WDR64: variants seen among roughly 807,000 people sequenced by gnomAD.
The protein encoded by WDR64 is WD repeat domain 64.
In WDR64, 112 loss-of-function variants were observed where a neutral mutation model predicts 139.3. That is an observed-to-expected ratio of 0.80 (90% CI 0.69 to 0.94). The LOEUF (loss-of-function observed/expected upper bound fraction) is 0.94. Among genes scored for constraint, WDR64 ranks in the 40% least tolerant of loss-of-function variants. The pLI, the probability that WDR64 is intolerant of heterozygous loss-of-function variation, is 0.00. For synonymous variants in WDR64, 444 were observed against 437.7 expected (o/e 1.01, Z -0.18); for missense variants, 1,206 against 1,293.1 (o/e 0.93, Z 1.03).
chr1:241,735,511 C>A (rs1301985548), intron 10 of WDR64, among the ~76,000 whole-genome samples: 3 of 142,346 alleles, frequency 2.1e-5, no homozygotes, highest in East Asian at 4.2e-4. Flanking sequence ...ATATTTAGTT[C>A]TCTGTCTCTC....
Position 241,738,348 on chromosome 1 carries a change from T to C in WDR64, c.1195-15T>C, listed in dbSNP as rs1260749991. The stretch of plus-strand genomic sequence containing the variant: ...GAGTATAAATAGTGGTAAACTGTGT[T>C]TGTTATTCTTCCAGGTTTTCCGGGT... On this transcript the variant is annotated splice_polypyrimidine_tract_variant and intron_variant, in intron 10 of 27. Transcript: ENST00000437684. 1 of 1,610,522 alleles carries C rather than the reference T, an allele frequency of 6.2e-7. No individual in the cohort carries two copies. The highest frequency in any genetic ancestry group is 8.5e-7 in the Non-Finnish European group (1 of 1,178,914).
At chr1:241,713,899 G>A (rs985654532) in intron 9 of WDR64, among the ~76,000 whole-genome samples, 5 of 152,302 alleles carry the variant, frequency 3.3e-5, no homozygotes, top group Middle Eastern at 3.4e-3. Flanking sequence ...CCAGCTCCAC[G>A]TTTGTATGGT....
chr1:241,657,932 T>TA (rs150697487), intron 1 of WDR64, among the ~76,000 whole-genome samples: 3,776 of 152,344 alleles, frequency 0.025, 75 homozygotes, highest in Middle Eastern at 0.068. Flanking sequence ...TTTGCAGCAA[T>TA]ACTGCTTTTC....
At chr1:241,661,500 A>C (rs1262051833) in intron 2 of WDR64, among the ~76,000 whole-genome samples, 1 of 152,172 alleles carries the variant, frequency 6.6e-6, no homozygotes, top group Non-Finnish European at 1.5e-5. Flanking sequence ...TTTAATTCCC[A>C]TGTTGTATGC....
At position 241,757,325 on chromosome 1, in the gene WDR64, C is replaced by T. The variant is rs1216765261; in HGVS notation, c.1813C>T (p.Pro605Ser). The change falls in exon 15 of 28, where the codon CCT (proline) becomes TCT (serine). Residue 605 changes from proline (P) to serine (S), a missense_variant. Transcript: ENST00000437684. ...CTACCTCATGGTGATCTGGGAGCTG[C>T]CTGATGTTGTGCCTTTCCTACAAGA... ...DIYLMVIWEL[P>S]DVVPFLQDGK... 5.6e-6 allele frequency: 9 copies of T among 1,613,850 alleles called. No individual in the cohort carries two copies. Among genetic ancestry groups the T allele is most frequent in the Non-Finnish European group, 5.9e-6 (7 of 1,179,970 alleles).
intron 22 of WDR64, among the ~76,000 whole-genome samples, chr1:241,781,171 C>T (rs1658832486): frequency 6.6e-6 from 1 of 152,162 alleles, no homozygotes; most frequent in Admixed American, 6.5e-5. Context: ...TATAAACTAA[C>T]AACTGAGATC....
intron 2 of WDR64, among the ~76,000 whole-genome samples, chr1:241,661,102 A>T (rs191814979): frequency 2.0e-5 from 3 of 151,686 alleles, no homozygotes; most frequent in African/African-American, 7.3e-5. Context: ...ATTTATTCTT[A>T]AAAAAATTAC....
intron 9 of WDR64, among the ~76,000 whole-genome samples, chr1:241,712,334 G>A (rs549275116): frequency 6.6e-6 from 1 of 152,260 alleles, no homozygotes; most frequent in Non-Finnish European, 1.5e-5. Flanking sequence ...TAACAGATGA[G>A]AAGACCAGGA....
chr1:241,765,441 G>C (rs1378678957), intron 15 of WDR64, among the ~76,000 whole-genome samples: 1 of 152,108 alleles, frequency 6.6e-6, no homozygotes, highest in African/African-American at 2.4e-5. Flanking sequence ...AAGACTGGCA[G>C]AGCAAGAGGG....
chr1:241,729,791 C>T (rs1423436312), intron 10 of WDR64, among the ~76,000 whole-genome samples: 1 of 152,162 alleles, frequency 6.6e-6, no homozygotes, highest in South Asian at 2.1e-4. Context: ...TCTTTCCTTG[C>T]TTTAGTTCCT....
At chr1:241,658,291 G>C (rs1045884601) in intron 1 of WDR64, among the ~76,000 whole-genome samples, 1 of 151,188 alleles carries the variant, frequency 6.6e-6, no homozygotes, top group African/African-American at 2.4e-5. Flanking sequence ...AATGGTGTGT[G>C]TGTGTGTGTG....
intron 23 of WDR64, among the ~76,000 whole-genome samples, chr1:241,783,919 G>C (rs1658941511): frequency 6.6e-6 from 1 of 152,132 alleles, no homozygotes; most frequent in Non-Finnish European, 1.5e-5. Context: ...GGCATTTCTA[G>C]AAACAAATTT....
intron 9 of WDR64, among the ~76,000 whole-genome samples, chr1:241,714,713 T>C (rs1006837549): frequency 6.6e-6 from 1 of 152,176 alleles, no homozygotes; most frequent in Non-Finnish European, 1.5e-5. Context: ...AAAGATAATA[T>C]AGTAGCCTAT....
chr1:241,717,415 T>C (rs940225683), intron 9 of WDR64, among the ~76,000 whole-genome samples: 12 of 152,096 alleles, frequency 7.9e-5, no homozygotes, highest in African/African-American at 2.9e-4. Flanking sequence ...CAGCCCTGTG[T>C]TCTTCCTGGA....
chr1:241,784,976 A>AG (rs1553381750), intron 23 of WDR64, among the ~76,000 whole-genome samples: 16,554 of 97,870 alleles, frequency 0.17, 2,605 homozygotes, highest in Middle Eastern at 0.38. Flanking sequence ...AAAAAAAAAA[A>AG]GAAAGGACAT....
At chr1:241,671,209 T>C (rs577175626) in intron 3 of WDR64, 33 bp downstream of exon 3, 4 of 1,355,230 alleles carry the variant, frequency 3.0e-6, no homozygotes, top group Non-Finnish European at 4.1e-6. Flanking sequence ...CAAATTAGTA[T>C]GAGTTTTAAT....
At chr1:241,721,462 G>T (rs1668607757) in intron 9 of WDR64, among the ~76,000 whole-genome samples, 1 of 152,010 alleles carries the variant, frequency 6.6e-6, no homozygotes, top group Non-Finnish European at 1.5e-5. Context: ...GTAGCCTAAA[G>T]GTCCTTGGTA....
rs1006955048 is a variant in WDR64 at position 241,749,286 on chromosome 1, T to A, written c.1595-261T>A. 5.3e-5 allele frequency among the ~76,000 whole-genome samples: 8 copies of A among 152,194 alleles called. No homozygotes were observed. The East Asian group carries it at 1.5e-3, about 29-fold the overall frequency. On this transcript the variant is annotated intron_variant, in intron 13 of 27. Transcript: ENST00000437684. ...GACTCACTTTAGAGCAAAAGCTTAG[T>A]AGGAGAGCCTGAGGGTAGATTTCAA...
intron 18 of WDR64, among the ~76,000 whole-genome samples, chr1:241,771,110 G>T (rs181951086): frequency 1.6e-4 from 24 of 152,242 alleles, no homozygotes; most frequent in Middle Eastern, 3.4e-3. Flanking sequence ...ACTGTTCTCA[G>T]TTCCAATTTT....
Sources: gnomAD v4.1 joint callset for allele counts (sites outside exome capture counted in the v4.1 genomes callset) on GRCh38, gnomAD v4.1.1 for gene constraint, MANE v1.5 for transcripts, NCBI Gene and HGNC (gene_info 2026-07-23, HGNC 2026-07-21) for gene names.